Variants in NRF1 observed in about 807,000 individuals in gnomAD.
The protein encoded by NRF1 is alpha palindromic-binding protein.
NRF1 carries 5 observed loss-of-function variants against 58.5 expected under a neutral mutation model. The observed-to-expected ratio is 0.09, with a 90% CI of 0.04 to 0.18. The LOEUF (loss-of-function observed/expected upper bound fraction) is 0.18. NRF1 is among the 10% of genes least tolerant of loss of function. NRF1 has a pLI of 1.00. For synonymous variants in NRF1, 224 were observed against 246.7 expected, an observed-to-expected ratio of 0.91 and a Z score of 0.86; for missense variants, 288 against 657.7, an observed-to-expected ratio of 0.44 and a Z score of 6.15.
intron 1 of NRF1, among the ~76,000 whole-genome samples, chr7:129,640,597 G>T (rs755431217): frequency 2.0e-5 from 3 of 152,106 alleles, no homozygotes; most frequent in Non-Finnish European, 4.4e-5. Flanking sequence ...TAATTATTAA[G>T]CTATTAATAC....
rs112977182 is a variant in NRF1, at chr7:129,730,624, G to A, written c.1348+3259G>A. ...AAGTCCATAACCATTGGGAAGTGGC[G>A]CGGGCGGGTGAGGTTATGAAGCAGT... On this transcript the variant is annotated intron_variant, in intron 10 of 10. Transcript: ENST00000393232. Among the ~76,000 whole-genome samples, 301 of 152,190 alleles carry A rather than the reference G, an allele frequency of 2.0e-3. 2 individuals are homozygous for A. The highest frequency in any genetic ancestry group is 6.5e-3 in the African/African-American group (268 of 41,514).
At chr7:129,615,947 T>G (rs1800650093) in intron 1 of NRF1, among the ~76,000 whole-genome samples, 1 of 152,226 alleles carries the variant, frequency 6.6e-6, no homozygotes, top group African/African-American at 2.4e-5. Context: ...ACAACAATGC[T>G]TTGTTTGAAG....
At chr7:129,616,291 A>G (rs1800658620) in intron 1 of NRF1, among the ~76,000 whole-genome samples, 1 of 152,228 alleles carries the variant, frequency 6.6e-6, no homozygotes, top group South Asian at 2.1e-4. Context: ...CTAGTATATT[A>G]GAAAACAATG....
intron 4 of NRF1, among the ~76,000 whole-genome samples, chr7:129,681,030 G>C (rs1028524555): frequency 2.6e-5 from 4 of 152,170 alleles, no homozygotes; most frequent in African/African-American, 7.2e-5. Context: ...TAATTAAAAG[G>C]GTCTTGAATG....
chr7:129,748,725 A>G (rs1378732309), intron 10 of NRF1, among the ~76,000 whole-genome samples: 2 of 152,278 alleles, frequency 1.3e-5, no homozygotes, highest in Non-Finnish European at 2.9e-5. Flanking sequence ...GATGTTAACC[A>G]TGATAAACAT....
At chr7:129,747,318 CCTGCCAGTCCAT>C (rs1452168236) in intron 10 of NRF1, among the ~76,000 whole-genome samples, 1 of 152,190 alleles carries the variant, frequency 6.6e-6, no homozygotes, top group Non-Finnish European at 1.5e-5. Context: ...AGGGAAGCTG[CCTGCCAGTCCAT>C]CTGCCCTGAT....
intron 2 of NRF1, among the ~76,000 whole-genome samples, chr7:129,661,307 C>A (rs1218647399): frequency 6.6e-6 from 1 of 151,342 alleles, no homozygotes; most frequent in Non-Finnish European, 1.5e-5. Context: ...TAACATTCGT[C>A]TCCTTGTTGC....
chr7:129,645,903 G>A (rs1052864586), intron 1 of NRF1, among the ~76,000 whole-genome samples: 7 of 152,182 alleles, frequency 4.6e-5, no homozygotes, highest in African/African-American at 1.7e-4. Context: ...AGGCTGGAGT[G>A]CAGTGGCATC....
chr7:129,707,330 T>G (rs1802972855), intron 5 of NRF1, among the ~76,000 whole-genome samples: 1 of 152,212 alleles, frequency 6.6e-6, no homozygotes, highest in Non-Finnish European at 1.5e-5. Context: ...TTATTTAGCC[T>G]TCTCATTTCA....
chr7:129,736,534 C>T (rs768683965), intron 10 of NRF1, among the ~76,000 whole-genome samples: 42 of 152,182 alleles, frequency 2.8e-4, no homozygotes, highest in African/African-American at 8.9e-4. Context: ...AGGCATGAGC[C>T]ATCACGCCCA....
chr7:129,669,035 C>T (rs781688148), intron 2 of NRF1, among the ~76,000 whole-genome samples: 3 of 152,124 alleles, frequency 2.0e-5, no homozygotes, highest in Non-Finnish European at 2.9e-5. Context: ...GCAACCTCCA[C>T]CTCCCAGATT....
intron 1 of NRF1, among the ~76,000 whole-genome samples, chr7:129,614,407 C>T (rs1303229342): frequency 6.8e-6 from 1 of 146,182 alleles, no homozygotes; most frequent in Non-Finnish European, 1.5e-5. Context: ...TGAGCCAATG[C>T]GCCTGGCCCA....
chr7:129,708,036 A>G (rs1802990416), intron 5 of NRF1, among the ~76,000 whole-genome samples: 1 of 152,190 alleles, frequency 6.6e-6, no homozygotes. Context: ...CTTTGTAACT[A>G]CAAATCCACA....
intron 1 of NRF1, among the ~76,000 whole-genome samples, chr7:129,621,383 T>C (rs989489840): frequency 7.9e-5 from 12 of 152,250 alleles, no homozygotes; most frequent in African/African-American, 2.9e-4. Flanking sequence ...ACTTGTGTTA[T>C]GTGATTTGTA....
In NRF1 at chr7:129,621,479, T is replaced by G. The variant is rs1800795910; in HGVS notation, c.-7+9655T>G. ...GAATGGAGTATTTTGTCTTTTCCTT[T>G]GGGAACTTTTTTTGGTTCTTTCTTT... On this transcript the variant is annotated intron_variant, in intron 1 of 10. Transcript: ENST00000393232. Among the ~76,000 whole-genome samples, 3 of 152,204 alleles carry G rather than the reference T, an allele frequency of 2.0e-5. No individual in the cohort carries two copies. The South Asian group carries it at 6.2e-4, about 31-fold the overall frequency.
intron 1 of NRF1, among the ~76,000 whole-genome samples, chr7:129,629,619 A>G (rs534619528): frequency 7.7e-4 from 118 of 152,354 alleles, no homozygotes; most frequent in African/African-American, 2.7e-3. Flanking sequence ...TGCAGCAGAA[A>G]GCTGAATGCA....
intron 1 of NRF1, among the ~76,000 whole-genome samples, chr7:129,618,830 G>A (rs10279858): frequency 0.45 from 67,847 of 151,988 alleles, 17,144 homozygotes; most frequent in African/African-American, 0.68. Flanking sequence ...TAGGGCCCAA[G>A]TCTAAACTTG....
intron 10 of NRF1, among the ~76,000 whole-genome samples, chr7:129,750,692 C>T (rs1377445183): frequency 1.3e-5 from 2 of 152,234 alleles, no homozygotes; most frequent in African/African-American, 4.8e-5. Context: ...GGACCATTTC[C>T]TCACCCAGGT....
At chr7:129,636,361 A>G (rs914508448) in intron 1 of NRF1, among the ~76,000 whole-genome samples, 1 of 151,968 alleles carries the variant, frequency 6.6e-6, no homozygotes, top group Non-Finnish European at 1.5e-5. Context: ...CAGCCTCTCA[A>G]ATAGCTGGGA....
Sources: gnomAD v4.1 joint callset for allele counts (sites outside exome capture counted in the v4.1 genomes callset) on GRCh38, gnomAD v4.1.1 for gene constraint, MANE v1.5 for transcripts, NCBI Gene and HGNC (gene_info 2026-07-23, HGNC 2026-07-21) for gene names.